ANKRD13A: variants seen among roughly 807,000 people sequenced by gnomAD.
ANKRD13A encodes the protein ankyrin repeat domain-containing protein 13A.
A neutral mutation model predicts 81.3 loss-of-function variants in ANKRD13A; 48 were observed. The observed-to-expected ratio is 0.59, with a 90% confidence interval of 0.47 to 0.75. The LOEUF (loss-of-function observed/expected upper bound fraction) is 0.75. Ranked by LOEUF, ANKRD13A falls within the 30% of genes least tolerant of loss-of-function variation. The probability of loss-of-function intolerance (pLI) is 0.00; values close to 1 mark genes in which losing one functional copy is unlikely to be tolerated. For missense variants in ANKRD13A, 612 were observed against 734.0 expected, an observed-to-expected ratio of 0.83 and a Z score of 1.92; for synonymous variants, 230 against 270.1, an observed-to-expected ratio of 0.85 and a Z score of 1.45.
chr12:110,035,945 G>T (rs1019009220), intron 13 of ANKRD13A, among the ~76,000 whole-genome samples: 1 of 152,144 alleles, frequency 6.6e-6, no homozygotes, highest in African/African-American at 2.4e-5. Context: ...TTGGTCACTT[G>T]AACTTTGCCC....
chr12:110,014,186 G>A (rs892697837), intron 3 of ANKRD13A, among the ~76,000 whole-genome samples: 1 of 152,190 alleles, frequency 6.6e-6, no homozygotes, highest in Non-Finnish European at 1.5e-5. Flanking sequence ...GCTGAGGTGG[G>A]TGGATCACGA....
chr12:110,005,959 G>T (rs928113226), intron 1 of ANKRD13A, among the ~76,000 whole-genome samples: 22 of 152,068 alleles, frequency 1.4e-4, no homozygotes, highest in African/African-American at 5.3e-4. Context: ...TGGGATTACA[G>T]GTGTGCACCA....
At chr12:110,031,899 C>T (rs1891716706) in intron 12 of ANKRD13A, among the ~76,000 whole-genome samples, 1 of 151,860 alleles carries the variant, frequency 6.6e-6, no homozygotes, top group African/African-American at 2.4e-5. Context: ...ATTGCATGGC[C>T]AGGATTGACC....
In ANKRD13A at chr12:110,039,059, A is replaced by T. The variant is rs757331269; in HGVS notation, c.*1505A>T. 2 of 147,988 alleles carry T rather than the reference A, an allele frequency of 1.4e-5. No individual in the cohort carries two copies. Among genetic ancestry groups the T allele is most frequent in the Non-Finnish European group, 3.0e-5 (2 of 67,580 alleles). 9.2% of individuals were successfully genotyped at this position (147,988 alleles called of 1,614,324 possible). ...ATTGTGCTTTTAATTCCATTTCACA[A>T]TCTGTTTTGTTTTTTTTTTTTGTCA... is the stretch of plus-strand genomic sequence containing the variant. On this transcript the variant is annotated 3_prime_UTR_variant, in exon 15 of 15. Transcript: ENST00000261739.
At chr12:110,027,948 T>C in intron 9 of ANKRD13A, 182 bp downstream of exon 9, 1 of 606,568 alleles carries the variant, frequency 1.6e-6, no homozygotes, top group Admixed American at 2.9e-5. Flanking sequence ...TGAAAATAAA[T>C]AAGGATTTTA....
chr12:110,012,122 C>T lies in ANKRD13A; in HGVS notation c.214C>T (p.Arg72Cys), dbSNP rs769790065. The change falls in exon 2 of 15, where the codon CGC (arginine) becomes TGC (cysteine). Residue 72 changes from arginine (R) to cysteine (C), a missense_variant. Physicochemically the swap from Arg to Cys is radical, Grantham distance 180. Transcript: ENST00000261739. ...TAAAGCAGATGTGACAAAAGAAAAT[C>T]GCCAGGGATGGACAGGTAAGTATAC... ...RHKADVTKEN[R>C]QGWTVLHEAV... 12 of 1,611,076 alleles carry T rather than the reference C, an allele frequency of 7.4e-6. No homozygotes were observed. Among genetic ancestry groups the T allele is most frequent in the East Asian group, 4.5e-5 (2 of 44,802 alleles).
chr12:110,022,833 T>C (rs759624318), intron 6 of ANKRD13A, among the ~76,000 whole-genome samples: 1 of 152,232 alleles, frequency 6.6e-6, no homozygotes, highest in Non-Finnish European at 1.5e-5. Flanking sequence ...CAGTTGGAGA[T>C]AGCATTTGGT....
intron 10 of ANKRD13A, chr12:110,029,230 T>G: frequency 8.1e-6 from 3 of 370,102 alleles, no homozygotes; most frequent in African/African-American, 2.1e-5. Context: ...CATTTCTTCA[T>G]GCTTGCTGTC....
chr12:110,029,555 T>C lies in ANKRD13A; in HGVS notation c.1154T>C (p.Met385Thr). The C allele has an allele frequency of 1.2e-6, 2 of 1,614,180 alleles. No homozygotes were observed. Among genetic ancestry groups the C allele is most frequent in the South Asian group, 1.1e-5 (1 of 91,090 alleles). The change falls in exon 11 of 15, where the codon ATG (methionine) becomes ACG (threonine). Residue 385 changes from methionine to threonine, a missense_variant. Met to Thr is a moderately conservative substitution (Grantham distance 81). Coordinates refer to ENST00000261739, the MANE Select transcript of ANKRD13A (RefSeq NM_033121.2). ...CAGGTCATTCCCATCATTGACCTAA[T>C]GGCTCGAACGAGTGCTCATTTTGCA... ...VEQVIPIIDL[M>T]ARTSAHFARL... is the part of the protein sequence containing the mutation.
chr12:110,012,358 C>T (rs553564214), intron 2 of ANKRD13A, among the ~76,000 whole-genome samples: 7 of 151,888 alleles, frequency 4.6e-5, no homozygotes, highest in African/African-American at 1.7e-4. Flanking sequence ...AGAGCAAGAA[C>T]TTTTCTCAAA....
chr12:110,008,956 A>G (rs142148269), intron 1 of ANKRD13A, among the ~76,000 whole-genome samples: 102 of 152,240 alleles, frequency 6.7e-4, no homozygotes, highest in African/African-American at 2.0e-3. Flanking sequence ...ATCTCTTGTT[A>G]TAAACTTATT....
At chr12:110,024,315 G>A (rs2137144672) in intron 7 of ANKRD13A, among the ~76,000 whole-genome samples, 1 of 151,978 alleles carries the variant, frequency 6.6e-6, no homozygotes, top group South Asian at 2.1e-4. Context: ...GAGGAGGTCT[G>A]TAGCTATGCT....
intron 1 of ANKRD13A, among the ~76,000 whole-genome samples, chr12:110,001,284 G>A (rs1317081508): frequency 1.3e-5 from 2 of 151,706 alleles, no homozygotes; most frequent in East Asian, 3.9e-4. Flanking sequence ...GGAAGAGGAG[G>A]ATTGTTTGTC....
chr12:110,019,466 T>C (rs1400997781), intron 6 of ANKRD13A, 138 bp downstream of exon 6: 2 of 786,120 alleles, frequency 2.5e-6, no homozygotes, highest in African/African-American at 3.5e-5. Context: ...GTTTTAAGAT[T>C]GATCTCTAAC....
rs1891287925 is a variant in ANKRD13A, at chr12:110,025,815, G to A, written c.875G>A (p.Arg292Lys). The change falls in exon 8 of 15, where the codon AGA (arginine) becomes AAA (lysine). Residue 292 changes from arginine (R) to lysine (K), a missense_variant. Arg to Lys is a conservative substitution (Grantham distance 26). Coordinates refer to ENST00000261739, the MANE Select transcript of ANKRD13A (RefSeq NM_033121.2). The stretch of plus-strand genomic sequence containing the variant: ...CATCTGACCGAGGAGGAAAAAAAGA[G>A]ATATAAAGGTAATCACCACCACCCT... ...TEHLTEEEKK[R>K]YKADRNPLES... The A allele has an allele frequency of 6.2e-7, 1 of 1,613,446 alleles. No individual in the cohort carries two copies. Among genetic ancestry groups the A allele is most frequent in the Non-Finnish European group, 8.5e-7 (1 of 1,179,664 alleles).
chr12:110,031,106 C>CAA (rs889010212), intron 12 of ANKRD13A, among the ~76,000 whole-genome samples: 3 of 133,992 alleles, frequency 2.2e-5, no homozygotes, highest in African/African-American at 8.3e-5. Flanking sequence ...AACTACATCT[C>CAA]AAAAAAAAAA....
chr12:110,017,846 C>T (rs1215605134), intron 4 of ANKRD13A, among the ~76,000 whole-genome samples: 3 of 151,878 alleles, frequency 2.0e-5, no homozygotes, highest in African/African-American at 7.3e-5. Flanking sequence ...GCAGGAGAAT[C>T]GCTTGAACCT....
chr12:110,001,014 C>T (rs950232172), intron 1 of ANKRD13A, among the ~76,000 whole-genome samples: 2 of 151,850 alleles, frequency 1.3e-5, no homozygotes, highest in African/African-American at 4.8e-5. Flanking sequence ...GCCTCAGCCT[C>T]CCAAAGTGCT....
chr12:110,021,085 A>G (rs768655939), intron 6 of ANKRD13A: 7 of 456,300 alleles, frequency 1.5e-5, no homozygotes, highest in Non-Finnish European at 2.6e-5. Context: ...ACTAAGGCAC[A>G]TTTTGTATTT....
Sources: allele counts gnomAD v4.1 joint callset (sites outside exome capture counted in the v4.1 genomes callset), GRCh38; gene constraint gnomAD v4.1.1; transcripts MANE v1.5; gene names NCBI Gene and HGNC (gene_info 2026-07-23, HGNC 2026-07-21).